The following SBNO1 variants were observed in gnomAD, a reference collection of about 807,000 sequenced individuals.
SBNO1 encodes protein strawberry notch homolog 1.
Under a neutral mutation model 173.6 loss-of-function variants are expected in SBNO1, and 23 were observed. The ratio of observed to expected loss-of-function variants is 0.13; its 90% confidence interval spans 0.10 to 0.19. The LOEUF is 0.19. SBNO1 is among the 10% of genes least tolerant of loss of function. SBNO1 has a pLI of 1.00. For missense variants in SBNO1, 1,238 were observed against 1,671.2 expected, an observed-to-expected ratio of 0.74 and a Z score of 4.52; for synonymous variants, 632 against 571.5, an observed-to-expected ratio of 1.11 and a Z score of -1.51.
chr12:123,350,078 C>A (rs1873702026), intron 2 of SBNO1, among the ~76,000 whole-genome samples: 1 of 151,948 alleles, frequency 6.6e-6, no homozygotes, highest in South Asian at 2.1e-4. Flanking sequence ...ACATGGCAAA[C>A]CCTGTCTCTA....
chr12:123,332,058 C>T (rs1384710121), intron 7 of SBNO1, among the ~76,000 whole-genome samples: 1 of 151,592 alleles, frequency 6.6e-6, no homozygotes, highest in African/African-American at 2.4e-5. Flanking sequence ...ACCACGTTGA[C>T]CAGGATGGTC....
At chr12:123,357,561 T>C (rs192374834) in intron 1 of SBNO1, among the ~76,000 whole-genome samples, 2 of 151,502 alleles carry the variant, frequency 1.3e-5, no homozygotes, top group East Asian at 3.9e-4. Flanking sequence ...GCCAACATGA[T>C]GAAACCCCAT....
chr12:123,304,639 A>G lies in SBNO1; in HGVS notation c.3711T>C (p.Asn1237=). The change falls in exon 29 of 32, where the codon AAT becomes AAC. Residue 1237 remains asparagine, a synonymous_variant. Transcript: ENST00000602398. ...TTTCTAATTTGAGCTGCTTCCCAGTATTTGGTCGATAAACTAAGAAAAGTT... is the reference window on the plus strand; with the variant it reads ...TTTCTAATTTGAGCTGCTTCCCAGTGTTTGGTCGATAAACTAAGAAAAGTT... ...KKKLFLVYRP[N]TGKQLKLEIY... 1 of 1,574,430 alleles carries G rather than the reference A, an allele frequency of 6.4e-7. No homozygotes were observed. The highest frequency in any genetic ancestry group is 8.7e-7 in the Non-Finnish European group (1 of 1,145,294).
At chr12:123,310,380 C>T (rs905710336) in intron 25 of SBNO1, among the ~76,000 whole-genome samples, 1 of 151,750 alleles carries the variant, frequency 6.6e-6, no homozygotes, top group African/African-American at 2.4e-5. Flanking sequence ...ATTACAGGCG[C>T]CCGCCACTAT....
At chr12:123,298,270 CT>C (rs753453531) in intron 30 of SBNO1, 99 bp from the exon 31 acceptor site, 4,254 of 987,008 alleles carry the variant, frequency 4.3e-3, no homozygotes, top group South Asian at 4.7e-3. Flanking sequence ...CTTTTCTTTT[CT>C]TTTTTTTTTG....
At chr12:123,351,403 G>A (rs1235861514) in intron 1 of SBNO1, among the ~76,000 whole-genome samples, 1 of 152,172 alleles carries the variant, frequency 6.6e-6, no homozygotes, top group Non-Finnish European at 1.5e-5. Flanking sequence ...CAAAGTGGAG[G>A]TGCAAGAGGT....
intron 21 of SBNO1, 79 bp from the exon 22 acceptor site, chr12:123,315,739 T>G (rs1198618148): frequency 1.3e-6 from 1 of 793,152 alleles, no homozygotes; most frequent in African/African-American, 1.7e-5. Flanking sequence ...TCCTAGCATT[T>G]AACACTAAAC....
chr12:123,315,050 A>G (rs994493397), intron 23 of SBNO1, among the ~76,000 whole-genome samples: 3 of 151,984 alleles, frequency 2.0e-5, no homozygotes, highest in African/African-American at 4.8e-5. Flanking sequence ...GCCTTTATAT[A>G]TATTTTATAC....
In SBNO1 at chr12:123,364,781, C is replaced by CGGCGGT. The variant is rs936898382; in HGVS notation, c.-87_-82dup. On this transcript the variant is annotated 5_prime_UTR_variant, in exon 1 of 32. Coordinates refer to ENST00000602398, the MANE Select transcript of SBNO1 (RefSeq NM_001167856.3). Reference sequence around the variant, plus strand: ...GGACCAGAGGCGACTGGAGCGGAGGCGGCGGTGGCGGCGGCAGCAGCGGCG... The same window carrying CGGCGGT: ...GGACCAGAGGCGACTGGAGCGGAGGCGGCGGTGGCGGTGGCGGCGGCAGCAGCGGCG... 24 of 987,412 alleles carry CGGCGGT rather than the reference C, an allele frequency of 2.4e-5. No individual in the cohort carries two copies. In the South Asian group the frequency reaches 4.1e-4, roughly 17 times the overall value. The allele number at this position is 987,412 out of a possible 1,614,324, so 61.2% of individuals were successfully genotyped here. A position where few individuals can be genotyped will look rare whatever the true frequency, so the allele number is the denominator to read the frequency against.
Position 123,328,797 on chromosome 12 carries a change from G to A in SBNO1, c.1233C>T (p.Gly411=), listed in dbSNP as rs367574577. Residue 411 remains glycine, a synonymous_variant, in exon 10 of 32, where the codon GGC becomes GGT. Coordinates refer to ENST00000602398, the MANE Select transcript of SBNO1 (RefSeq NM_001167856.3). The stretch of plus-strand genomic sequence containing the variant: ...GTTTTAACCTAGTTTTATACTTGCC[G>A]CCAGACTGGCTTTCACCAATAAGTG... ...YSSLIGESQS[G]GKYKTRLKQL... 75 of 1,609,494 alleles carry A rather than the reference G, an allele frequency of 4.7e-5. No homozygotes were observed. Among genetic ancestry groups the A allele is most frequent in the Middle Eastern group, 1.7e-4 (1 of 6,042 alleles).
rs149559217 is a variant in SBNO1 at position 123,323,901 on chromosome 12, T to C, written c.1974-70A>G. On this transcript the variant is annotated intron_variant, in intron 15 of 31. Transcript: ENST00000602398. Reference sequence around the variant, plus strand: ...TAATTATATGTAAAGTATTATTAAATATATTGAAATATACTTTGTTCAGTT... The same window carrying C: ...TAATTATATGTAAAGTATTATTAAACATATTGAAATATACTTTGTTCAGTT... The C allele has an allele frequency of 2.4e-3, 2,734 of 1,136,368 alleles. 64 individuals carry two copies. In the Admixed American group the frequency reaches 0.046, roughly 19 times the overall value. The allele number at this position is 1,136,368 out of a possible 1,614,324, so 70.4% of individuals were successfully genotyped here.
At chr12:123,340,664 A>C (rs1438161415) in intron 5 of SBNO1, among the ~76,000 whole-genome samples, 1 of 151,502 alleles carries the variant, frequency 6.6e-6, no homozygotes, top group Non-Finnish European at 1.5e-5. Flanking sequence ...CTTTCTATTC[A>C]AGTTCGGTCC....
intron 30 of SBNO1, among the ~76,000 whole-genome samples, chr12:123,302,213 G>A (rs886172638): frequency 6.7e-6 from 1 of 148,308 alleles, no homozygotes; most frequent in Non-Finnish European, 1.5e-5. Context: ...GATTACAGGC[G>A]TAAGCCACCA....
Position 123,302,885 on chromosome 12 carries a change from C to A in SBNO1, c.3784G>T (p.Ala1262Ser). 2 of 1,612,652 alleles carry A rather than the reference C, an allele frequency of 1.2e-6. No homozygotes were observed. The highest frequency in any genetic ancestry group is 1.7e-6 in the Non-Finnish European group (2 of 1,178,744). The change falls in exon 30 of 32, where the codon GCC becomes TCC. Residue 1262 changes from alanine (A) to serine (S), a missense_variant. Around this residue, in one of 14 missense-constraint regions of SBNO1, gnomAD observed 351 missense variants for 420.3 expected, o/e 0.84. Coordinates refer to ENST00000602398, the MANE Select transcript of SBNO1 (RefSeq NM_001167856.3). ...TACTGATCTAACCAGTGCATCAGGG[C>A]ATCATCTGAGACGACCTGTAAAAAT... The part of the protein sequence containing the change: ...KKYKKVVSDD[A>S]LMHWLDQYNS...
intron 15 of SBNO1, 31 bp downstream of exon 15, chr12:123,325,471 A>G (rs768590580): frequency 3.9e-5 from 59 of 1,507,784 alleles, no homozygotes; most frequent in Non-Finnish European, 5.0e-5. Context: ...CTCAAAAAGA[A>G]ACAAAAACAT....
chr12:123,343,271 C>T (rs933853461), intron 4 of SBNO1, among the ~76,000 whole-genome samples: 4 of 152,168 alleles, frequency 2.6e-5, no homozygotes, highest in Middle Eastern at 3.4e-3. Context: ...ATTAACTAAA[C>T]AAGGAAACTA....
rs755481016 is a variant in SBNO1, at chr12:123,364,212, G to A, written c.-1+489C>T. The A allele has an allele frequency of 5.1e-6, 5 of 985,494 alleles. No individual in the cohort carries two copies. The African/African-American group carries it at 5.2e-5, about 10-fold the overall frequency. 61.0% of individuals were successfully genotyped at this position (985,494 alleles called of 1,614,324 possible). On this transcript the variant is annotated intron_variant, in intron 1 of 31. Transcript: ENST00000602398. Reference sequence around the variant, plus strand: ...GGGTTCAGATTTAGGAAGGACGACCGCGTCGCCTGCCTCCCTCCCTCGCCC... The same window carrying A: ...GGGTTCAGATTTAGGAAGGACGACCACGTCGCCTGCCTCCCTCCCTCGCCC...
intron 7 of SBNO1, among the ~76,000 whole-genome samples, chr12:123,331,955 T>G (rs927887993): frequency 2.0e-5 from 3 of 151,852 alleles, no homozygotes; most frequent in African/African-American, 4.8e-5. Flanking sequence ...CTGTTCAAGC[T>G]ATTCTCCTGC....
At chr12:123,362,972 A>C (rs912122365) in intron 1 of SBNO1, among the ~76,000 whole-genome samples, 2 of 151,934 alleles carry the variant, frequency 1.3e-5, no homozygotes, top group Non-Finnish European at 2.9e-5. Flanking sequence ...CTGTAGTCCC[A>C]GCTACTCCGG....
Sources: gnomAD v4.1 joint callset for allele counts (sites outside exome capture counted in the v4.1 genomes callset) on GRCh38, gnomAD v4.1.1 for gene constraint, gnomAD v4.1.1 regional missense constraint, MANE v1.5 for transcripts, NCBI Gene and HGNC (gene_info 2026-07-23, HGNC 2026-07-21) for gene names.